ATXN7L1: variants seen among roughly 807,000 people sequenced by gnomAD.
ATXN7L1 encodes ataxin 7 like 1.
Under a neutral mutation model 70.8 loss-of-function variants are expected in ATXN7L1, and 15 were observed. The observed-to-expected ratio is 0.21, with a 90% CI of 0.14 to 0.33. The LOEUF (loss-of-function observed/expected upper bound fraction) is 0.33. Among genes scored for constraint, ATXN7L1 ranks in the 10% least tolerant of loss-of-function variants. ATXN7L1 has a pLI of 1.00. For synonymous variants in ATXN7L1, 440 were observed against 445.1 expected, an observed-to-expected ratio of 0.99 and a Z score of 0.14; for missense variants, 975 against 1,097.1, an observed-to-expected ratio of 0.89 and a Z score of 1.57.
intron 4 of ATXN7L1, among the ~76,000 whole-genome samples, chr7:105,662,750 G>A (rs1469720077): frequency 6.6e-6 from 1 of 152,146 alleles, no homozygotes; most frequent in Non-Finnish European, 1.5e-5. Flanking sequence ...TGAGTCTGAA[G>A]AGCCATTTCT....
chr7:105,694,150 C>A (rs1260931599), intron 3 of ATXN7L1, among the ~76,000 whole-genome samples: 2 of 151,852 alleles, frequency 1.3e-5, no homozygotes, highest in Non-Finnish European at 2.9e-5. Flanking sequence ...CGGGTTCAAG[C>A]AATTCTCCTG....
intron 3 of ATXN7L1, among the ~76,000 whole-genome samples, chr7:105,752,328 G>A (rs1309629194): frequency 2.0e-5 from 3 of 152,204 alleles, no homozygotes; most frequent in African/African-American, 7.2e-5. Context: ...TCCAGAAGGT[G>A]GAACAGTTGC....
chr7:105,819,547 T>A, intron 2 of ATXN7L1: 1 of 1,392,560 alleles, frequency 7.2e-7, no homozygotes, highest in Non-Finnish European at 1.0e-6. Flanking sequence ...CTGGGCCGCC[T>A]GGCGGCCATC....
chr7:105,637,661 G>A (rs116626606), intron 7 of ATXN7L1, among the ~76,000 whole-genome samples: 31 of 152,296 alleles, frequency 2.0e-4, no homozygotes, highest in African/African-American at 7.5e-4. Flanking sequence ...AAATGGACAT[G>A]CATGGATTTT....
At chr7:105,653,903 T>C (rs1324478535) in intron 4 of ATXN7L1, among the ~76,000 whole-genome samples, 1 of 152,170 alleles carries the variant, frequency 6.6e-6, no homozygotes, top group Non-Finnish European at 1.5e-5. Context: ...CCCCCATCTG[T>C]CCAGATCCGG....
intron 3 of ATXN7L1, among the ~76,000 whole-genome samples, chr7:105,784,190 T>C (rs923896944): frequency 6.6e-6 from 1 of 152,178 alleles, no homozygotes; most frequent in Non-Finnish European, 1.5e-5. Context: ...CTTGAACTCT[T>C]GGGCTCAAGC....
intron 3 of ATXN7L1, among the ~76,000 whole-genome samples, chr7:105,774,051 C>T (rs1451800089): frequency 1.3e-5 from 2 of 152,136 alleles, no homozygotes; most frequent in African/African-American, 4.8e-5. Flanking sequence ...GCTGGCTCTG[C>T]ACTGCCACCA....
chr7:105,693,588 T>C (rs144162669), intron 3 of ATXN7L1, among the ~76,000 whole-genome samples: 2 of 150,342 alleles, frequency 1.3e-5, no homozygotes, highest in Non-Finnish European at 3.0e-5. Context: ...TCCATCTAAT[T>C]TGAAGAATAA....
At chr7:105,804,745 C>T in intron 2 of ATXN7L1, among the ~76,000 whole-genome samples, 1 of 152,208 alleles carries the variant, frequency 6.6e-6, no homozygotes, top group East Asian at 1.9e-4. Context: ...TGAATCCTCA[C>T]AGCAGACCTG....
chr7:105,645,534 C>T (rs879320395), intron 4 of ATXN7L1, among the ~76,000 whole-genome samples: 18 of 151,224 alleles, frequency 1.2e-4, no homozygotes, highest in African/African-American at 3.2e-4. Context: ...TGGTGGCTCA[C>T]GCCTGTAATC....
chr7:105,838,590 G>A (rs1812756584), intron 2 of ATXN7L1, among the ~76,000 whole-genome samples: 2 of 152,172 alleles, frequency 1.3e-5, no homozygotes, highest in Non-Finnish European at 2.9e-5. Flanking sequence ...GGGGCTGAGA[G>A]ACTGGGTAAT....
At chr7:105,733,629 T>A (rs140041599) in intron 3 of ATXN7L1, among the ~76,000 whole-genome samples, 18 of 76,558 alleles carry the variant, frequency 2.4e-4, no homozygotes, top group Non-Finnish European at 3.8e-4. Flanking sequence ...CATCCATCCA[T>A]CCACCCATCC....
intron 2 of ATXN7L1, among the ~76,000 whole-genome samples, chr7:105,860,787 C>A (rs1443152568): frequency 1.3e-5 from 2 of 152,174 alleles, no homozygotes; most frequent in Admixed American, 6.5e-5. Flanking sequence ...AAACAAGATG[C>A]TTAGTCGAAC....
At chr7:105,690,146 A>G (rs1790571085) in intron 3 of ATXN7L1, among the ~76,000 whole-genome samples, 1 of 152,138 alleles carries the variant, frequency 6.6e-6, no homozygotes, top group Non-Finnish European at 1.5e-5. Flanking sequence ...CTGGGATTAC[A>G]GGCATGTGCC....
chr7:105,797,712 TCTC>T (rs944469620), intron 2 of ATXN7L1, among the ~76,000 whole-genome samples: 7 of 152,242 alleles, frequency 4.6e-5, no homozygotes, highest in Admixed American at 2.0e-4. Context: ...GTGGCCTTCT[TCTC>T]ATCTCTCCCA....
chr7:105,743,920 G>A (rs190346000), intron 3 of ATXN7L1, among the ~76,000 whole-genome samples: 76 of 152,324 alleles, frequency 5.0e-4, no homozygotes, highest in Non-Finnish European at 8.7e-4. Flanking sequence ...GGAAAATGGA[G>A]CTGGCGTCTT....
intron 3 of ATXN7L1, among the ~76,000 whole-genome samples, chr7:105,717,555 C>A (rs982690938): frequency 6.6e-6 from 1 of 152,040 alleles, no homozygotes; most frequent in Non-Finnish European, 1.5e-5. Context: ...CATGCTTGTA[C>A]GCAATTTGAT....
At chr7:105,685,993 G>A (rs1419698471) in intron 3 of ATXN7L1, among the ~76,000 whole-genome samples, 3 of 152,132 alleles carry the variant, frequency 2.0e-5, no homozygotes, top group African/African-American at 7.2e-5. Context: ...GAGAGGAAGT[G>A]GCATGGCCAA....
intron 2 of ATXN7L1, among the ~76,000 whole-genome samples, chr7:105,793,660 G>A (rs1403184856): frequency 6.6e-6 from 1 of 152,178 alleles, no homozygotes; most frequent in Non-Finnish European, 1.5e-5. Context: ...ACGGAACTTT[G>A]TCCAAACACA....
Sources: allele counts gnomAD v4.1 joint callset (sites outside exome capture counted in the v4.1 genomes callset), GRCh38; gene constraint gnomAD v4.1.1; transcripts MANE v1.5; gene names NCBI Gene and HGNC (gene_info 2026-07-23, HGNC 2026-07-21).